Variants in KIAA0825 observed in about 807,000 individuals in gnomAD.
KIAA0825 encodes the protein KIAA0825.
A neutral mutation model predicts 147.6 loss-of-function variants in KIAA0825; 119 were observed. The observed-to-expected ratio is 0.81, with a 90% CI of 0.69 to 0.94. KIAA0825 has a LOEUF of 0.94. Ranked by LOEUF, KIAA0825 falls within the 40% of genes least tolerant of loss-of-function variation. The probability of loss-of-function intolerance (pLI) is 0.00; values close to 1 mark genes in which losing one functional copy is unlikely to be tolerated. For missense variants in KIAA0825, 1,381 were observed against 1,472.7 expected, an observed-to-expected ratio of 0.94 and a Z score of 1.02; for synonymous variants, 470 against 518.1, an observed-to-expected ratio of 0.91 and a Z score of 1.26.
At chr5:94,203,047 C>A (rs972316226) in intron 20 of KIAA0825, among the ~76,000 whole-genome samples, 2 of 152,150 alleles carry the variant, frequency 1.3e-5, no homozygotes, top group African/African-American at 2.4e-5. Context: ...TCCATGTATA[C>A]ACACAGAGAG....
At chr5:94,189,929 T>C (rs1770505977) in intron 20 of KIAA0825, among the ~76,000 whole-genome samples, 3 of 152,186 alleles carry the variant, frequency 2.0e-5, no homozygotes, top group Admixed American at 1.3e-4. Context: ...TATTTACTTA[T>C]TTTACCTTTT....
At chr5:94,459,855 T>C (rs1472779013) in intron 12 of KIAA0825, among the ~76,000 whole-genome samples, 2 of 152,282 alleles carry the variant, frequency 1.3e-5, no homozygotes, top group Admixed American at 6.5e-5. Flanking sequence ...ATGAAATTTA[T>C]TATCTAATTC....
At chr5:94,363,624 G>A (rs755663232) in intron 20 of KIAA0825, among the ~76,000 whole-genome samples, 17 of 152,218 alleles carry the variant, frequency 1.1e-4, no homozygotes, top group Middle Eastern at 3.4e-3. Flanking sequence ...GGTAGCTTAC[G>A]CCTGTAATCC....
intron 1 of KIAA0825, among the ~76,000 whole-genome samples, chr5:94,604,144 T>A (rs1267702869): frequency 6.6e-6 from 1 of 152,228 alleles, no homozygotes; most frequent in Non-Finnish European, 1.5e-5. Context: ...CATTGCCACA[T>A]AGCACTTACT....
In KIAA0825 at chr5:94,520,922, T is replaced by A; in HGVS notation, c.301-5A>T. 6.4e-7 allele frequency: 1 copy of A among 1,559,600 alleles called. No homozygotes were observed. The highest frequency in any genetic ancestry group is 8.7e-7 in the Non-Finnish European group (1 of 1,146,034). ...TTCATTCTTCAACAAATCTTGCTAATGAAATTATAACATTAGAAATGTGAT... is the reference window on the plus strand; with the variant it reads ...TTCATTCTTCAACAAATCTTGCTAAAGAAATTATAACATTAGAAATGTGAT... On this transcript the variant is annotated splice_polypyrimidine_tract_variant and splice_region_variant and intron_variant, in intron 4 of 20. Coordinates refer to ENST00000682413, the MANE Select transcript of KIAA0825 (RefSeq NM_001145678.3).
intron 5 of KIAA0825, among the ~76,000 whole-genome samples, chr5:94,505,546 C>T (rs2151137847): frequency 6.6e-6 from 1 of 152,090 alleles, no homozygotes; most frequent in East Asian, 1.9e-4. Context: ...ATGGTGAAAA[C>T]ACAGAAAACT....
At chr5:94,322,382 GTCCCCAGACTAAATCAAGGT>G (rs1780275614) in intron 20 of KIAA0825, among the ~76,000 whole-genome samples, 1 of 151,660 alleles carries the variant, frequency 6.6e-6, no homozygotes, top group South Asian at 2.1e-4. Flanking sequence ...AGGGCAAAGG[GTCCCCAGACTAAATCAAGGT>G]TACTCATACG....
intron 20 of KIAA0825, among the ~76,000 whole-genome samples, chr5:94,271,394 A>T (rs766093453): frequency 6.6e-6 from 1 of 152,184 alleles, no homozygotes; most frequent in Non-Finnish European, 1.5e-5. Context: ...CAGAATATAT[A>T]AGGAGCTCAA....
chr5:94,205,533 C>T lies in KIAA0825; in HGVS notation c.3711-51409G>A, dbSNP rs570706887. On this transcript the variant is annotated intron_variant, in intron 20 of 20. Coordinates refer to ENST00000682413, the MANE Select transcript of KIAA0825 (RefSeq NM_001145678.3). ...GTCTCGATCTCCTGACCTCGTGATC[C>T]GCCCGCCTTGGCCTCCCAAAGTGCT... Among the ~76,000 whole-genome samples the T allele has an allele frequency of 1.6e-4, 24 of 151,952 alleles. No homozygotes were observed. The South Asian group carries it at 4.6e-3, about 29-fold the overall frequency.
At chr5:94,269,276 A>C (rs1010397280) in intron 20 of KIAA0825, among the ~76,000 whole-genome samples, 16 of 152,210 alleles carry the variant, frequency 1.1e-4, no homozygotes, top group African/African-American at 3.9e-4. Context: ...CAACAGATAC[A>C]CAGAAAATAA....
intron 1 of KIAA0825, among the ~76,000 whole-genome samples, chr5:94,610,426 C>CAA (rs199687437): frequency 2.5e-4 from 16 of 63,228 alleles, no homozygotes; most frequent in African/African-American, 6.8e-4. Context: ...AAGACTGTCT[C>CAA]AAAAAAAAAA....
At chr5:94,413,486 A>G (rs1030057178) in intron 15 of KIAA0825, 1 of 152,256 alleles carries the variant, frequency 6.6e-6, no homozygotes, top group African/African-American at 2.4e-5. Flanking sequence ...GATAAAGCAT[A>G]ATATAAAATT....
chr5:94,364,293 G>A (rs1745499042), intron 20 of KIAA0825, among the ~76,000 whole-genome samples: 1 of 151,910 alleles, frequency 6.6e-6, no homozygotes. Flanking sequence ...GGTGATGACA[G>A]TCAGTGCAAG....
chr5:94,337,446 C>A (rs1318786403), intron 20 of KIAA0825, among the ~76,000 whole-genome samples: 3 of 152,168 alleles, frequency 2.0e-5, no homozygotes, highest in Non-Finnish European at 4.4e-5. Context: ...TCTTCATTTA[C>A]ATATACTATC....
intron 20 of KIAA0825, among the ~76,000 whole-genome samples, chr5:94,354,702 T>C (rs1338113576): frequency 1.3e-5 from 2 of 152,236 alleles, no homozygotes; most frequent in Non-Finnish European, 2.9e-5. Flanking sequence ...TGAAGAATGT[T>C]TCTGTCTTTT....
At chr5:94,189,593 G>T (rs1246985018) in intron 20 of KIAA0825, among the ~76,000 whole-genome samples, 1 of 151,944 alleles carries the variant, frequency 6.6e-6, no homozygotes, top group Non-Finnish European at 1.5e-5. Flanking sequence ...TATAAGCATG[G>T]ATCTATTTCT....
In KIAA0825 at chr5:94,200,899, C is replaced by G. The variant is rs761023246; in HGVS notation, c.3711-46775G>C. Among the ~76,000 whole-genome samples the G allele has an allele frequency of 6.2e-4, 89 of 143,328 alleles. 1 individual carries two copies. In the South Asian group the frequency reaches 6.7e-3, roughly 11 times the overall value. The allele number at this position is 143,328 out of a possible 152,430, so 94.0% of individuals were successfully genotyped here. On this transcript the variant is annotated intron_variant, in intron 20 of 20. Coordinates refer to ENST00000682413, the MANE Select transcript of KIAA0825 (RefSeq NM_001145678.3). ...TATTCCTCACTTAGAGGACACAGGT[C>G]CATTGTTCCTCAAAGCTGCTATTTC...
At chr5:94,407,392 C>T (rs555704914) in intron 15 of KIAA0825, among the ~76,000 whole-genome samples, 7 of 152,268 alleles carry the variant, frequency 4.6e-5, no homozygotes, top group African/African-American at 1.4e-4. Context: ...AAAACTTGTA[C>T]GCTAATGTTC....
At chr5:94,414,105 CTT>C (rs974239394) in intron 15 of KIAA0825, 1 of 152,132 alleles carries the variant, frequency 6.6e-6, no homozygotes, top group Non-Finnish European at 1.5e-5. Flanking sequence ...AAAGTGGAAA[CTT>C]TGAATCTCAA....
Sources: gnomAD v4.1 joint callset for allele counts (sites outside exome capture counted in the v4.1 genomes callset) on GRCh38, gnomAD v4.1.1 for gene constraint, MANE v1.5 for transcripts, NCBI Gene and HGNC (gene_info 2026-07-23, HGNC 2026-07-21) for gene names.